TMEM132B: variants seen among roughly 807,000 people sequenced by gnomAD.
TMEM132B encodes transmembrane protein 132B.
A neutral mutation model predicts 90.8 loss-of-function variants in TMEM132B; 18 were observed. The ratio of observed to expected loss-of-function variants is 0.20; its 90% CI spans 0.14 to 0.29. The LOEUF is 0.29. TMEM132B is among the 10% of genes least tolerant of loss of function. TMEM132B has a pLI of 1.00. For synonymous variants in TMEM132B, 504 were observed against 523.3 expected (o/e 0.96, Z 0.50); for missense variants, 1,096 against 1,326.8 (o/e 0.83, Z 2.70).
rs118180539 is a variant in TMEM132B, at chr12:125,343,799, G to A, written c.68-5653G>A. On this transcript the variant is annotated intron_variant, in intron 1 of 8. Transcript: ENST00000682704. ...ACTTGAGAATTGCAGCTCTTTGGTT[G>A]GCAAACATAGCTGCCAGCTTAGTGA... is the stretch of plus-strand genomic sequence containing the variant. Among the ~76,000 whole-genome samples, 788 of 152,222 alleles carry A rather than the reference G, an allele frequency of 5.2e-3. 3 individuals carry two copies. The highest frequency in any genetic ancestry group is 0.018 in the South Asian group (85 of 4,814).
At chr12:125,441,196 A>G (rs1177328353) in intron 3 of TMEM132B, among the ~76,000 whole-genome samples, 3 of 152,216 alleles carry the variant, frequency 2.0e-5, no homozygotes, top group Non-Finnish European at 4.4e-5. Context: ...CTGGCACAGA[A>G]TAAATAACCT....
At chr12:125,226,059 A>C (rs1873674747) in intron 1 of TMEM132B, among the ~76,000 whole-genome samples, 1 of 152,240 alleles carries the variant, frequency 6.6e-6, no homozygotes, top group Non-Finnish European at 1.5e-5. Flanking sequence ...CTTATGCAAA[A>C]AAGAATACCG....
intron 3 of TMEM132B, among the ~76,000 whole-genome samples, chr12:125,424,294 GTTCTGGA>G (rs1328434622): frequency 6.6e-6 from 1 of 152,174 alleles, no homozygotes; most frequent in Non-Finnish European, 1.5e-5. Context: ...GCGTTTTTAA[GTTCTGGA>G]TGCTTTGGTG....
At chr12:125,198,666 G>C (rs966047586) in intron 1 of TMEM132B, among the ~76,000 whole-genome samples, 1 of 152,238 alleles carries the variant, frequency 6.6e-6, no homozygotes, top group Non-Finnish European at 1.5e-5. Context: ...CGTTGCCAGA[G>C]AGGAGCAGAG....
chr12:125,487,787 A>G (rs996393870), intron 3 of TMEM132B, among the ~76,000 whole-genome samples: 4 of 152,114 alleles, frequency 2.6e-5, no homozygotes, highest in Admixed American at 2.0e-4. Flanking sequence ...CACGTCTGCT[A>G]TTTGTCTCTT....
intron 4 of TMEM132B, among the ~76,000 whole-genome samples, chr12:125,560,636 T>A (rs1402735296): frequency 6.6e-6 from 1 of 151,060 alleles, no homozygotes; most frequent in Admixed American, 6.6e-5. Context: ...TCCTGGCTAA[T>A]AAGGTGAAAC....
intron 1 of TMEM132B, among the ~76,000 whole-genome samples, chr12:125,258,495 G>A (rs1273615850): frequency 1.3e-5 from 2 of 152,162 alleles, no homozygotes; most frequent in African/African-American, 4.8e-5. Flanking sequence ...TCTTCATGTG[G>A]TTCTGTGTGT....
chr12:125,285,366 G>A (rs1400277868), intron 1 of TMEM132B, among the ~76,000 whole-genome samples: 4 of 152,220 alleles, frequency 2.6e-5, no homozygotes, highest in Non-Finnish European at 5.9e-5. Context: ...CATAGCTAAA[G>A]GAACTACAGG....
Position 125,408,257 on chromosome 12 carries a change from G to T in TMEM132B, c.960-7274G>T, listed in dbSNP as rs1263047597. 6.6e-6 allele frequency among the ~76,000 whole-genome samples: 1 copy of T among 152,190 alleles called. No individual in the cohort carries two copies. The highest frequency in any genetic ancestry group is 1.5e-5 in the Non-Finnish European group (1 of 68,038). ...CACTGTGAGATGTTACGCTTTACCA[G>T]TTCCGTTGTCAATGGGTGCTAGGGT... is the stretch of plus-strand genomic sequence containing the variant. On this transcript the variant is annotated intron_variant, in intron 2 of 8. Coordinates refer to ENST00000682704, the MANE Select transcript of TMEM132B (RefSeq NM_001366854.1). The surrounding 1 kb of genome is among the most constrained non-coding windows in gnomAD (Gnocchi z 5.9).
At chr12:125,534,300 T>C (rs1381704172) in intron 4 of TMEM132B, among the ~76,000 whole-genome samples, 2 of 152,194 alleles carry the variant, frequency 1.3e-5, no homozygotes, top group African/African-American at 2.4e-5. Flanking sequence ...GAGGACTGCT[T>C]GAGCGCAGGA....
At chr12:125,433,786 T>TAA (rs35597931) in intron 3 of TMEM132B, among the ~76,000 whole-genome samples, 1 of 151,116 alleles carries the variant, frequency 6.6e-6, no homozygotes, top group Non-Finnish European at 1.5e-5. Flanking sequence ...TATGCAGCCA[T>TAA]AAAAAATGAT....
intron 3 of TMEM132B, among the ~76,000 whole-genome samples, chr12:125,470,465 T>C (rs920253804): frequency 6.6e-6 from 1 of 152,222 alleles, no homozygotes. Context: ...ATACAACTTT[T>C]TACTCCACAT....
rs1049113213 is a variant in TMEM132B, at chr12:125,415,896, T to C, written c.1106+219T>C. Among the ~76,000 whole-genome samples the C allele has an allele frequency of 6.6e-6, 1 of 152,188 alleles. No individual in the cohort carries two copies. The highest frequency in any genetic ancestry group is 1.5e-5 in the Non-Finnish European group (1 of 68,036). ...TAAATTTTTATCTTTATTATTACTA[T>C]TGTTATTGTTTGCAGCGAAGAGTTG... On this transcript the variant is annotated intron_variant, in intron 3 of 8. Coordinates refer to ENST00000682704, the MANE Select transcript of TMEM132B (RefSeq NM_001366854.1). The surrounding 1 kb of genome is among the most constrained non-coding windows in gnomAD (Gnocchi z 5.3).
At chr12:125,611,104 C>A (rs1056077391) in intron 5 of TMEM132B, among the ~76,000 whole-genome samples, 1 of 151,902 alleles carries the variant, frequency 6.6e-6, no homozygotes, top group African/African-American at 2.4e-5. Context: ...CTTTGTATTT[C>A]TTTCTCAGTC....
chr12:125,205,701 T>G (rs1211604718), intron 1 of TMEM132B, among the ~76,000 whole-genome samples: 2 of 152,220 alleles, frequency 1.3e-5, no homozygotes, highest in African/African-American at 4.8e-5. Context: ...CAGCCCAACT[T>G]CTGTGGGCTT....
chr12:125,402,620 A>G (rs1273065006), intron 2 of TMEM132B, among the ~76,000 whole-genome samples: 1 of 152,206 alleles, frequency 6.6e-6, no homozygotes, highest in East Asian at 1.9e-4. Context: ...CATTGTATTT[A>G]TAGTTGGCAG....
At chr12:125,338,008 A>G (rs193168201) in intron 1 of TMEM132B, among the ~76,000 whole-genome samples, 7 of 152,322 alleles carry the variant, frequency 4.6e-5, no homozygotes, top group Admixed American at 4.6e-4. Flanking sequence ...TCTCTCTATA[A>G]AAGATGAGGA....
rs1255321298 is a variant in TMEM132B, at chr12:125,209,315, A to G, written c.67+22449A>G. Among the ~76,000 whole-genome samples, 1 of 152,152 alleles carries G rather than the reference A, an allele frequency of 6.6e-6. No individual in the cohort carries two copies. Among genetic ancestry groups the G allele is most frequent in the Non-Finnish European group, 1.5e-5 (1 of 68,004 alleles). ...CTCTAAGTGGGGCAGAGGCTCGCGG[A>G]TGGACCGCCCCAGGGGATGGTGCAG... On this transcript the variant is annotated intron_variant, in intron 1 of 8. Coordinates refer to ENST00000682704, the MANE Select transcript of TMEM132B (RefSeq NM_001366854.1). This position sits in a 1 kb window ranked among gnomAD's most constrained non-coding sequence, Gnocchi z 4.4.
chr12:125,371,025 TGTGGCCAGA>T lies in TMEM132B; in HGVS notation c.959+20684_959+20692del, dbSNP rs376986109. 1.8e-3 allele frequency among the ~76,000 whole-genome samples: 271 copies of T among 152,324 alleles called. 1 individual carries two copies. The highest frequency in any genetic ancestry group is 6.4e-3 in the African/African-American group (266 of 41,570). ...GAAGCTGATGGTGCAGCCTTCAGTC[TGTGGCCAGA>T]GGCCTGAGAGCTCCTGGGAAGTCAC... is the stretch of plus-strand genomic sequence containing the variant. On this transcript the variant is annotated intron_variant, in intron 2 of 8. Coordinates refer to ENST00000682704, the MANE Select transcript of TMEM132B (RefSeq NM_001366854.1).
Sources: gnomAD v4.1 joint callset for allele counts (sites outside exome capture counted in the v4.1 genomes callset) on GRCh38, gnomAD v4.1.1 for gene constraint, Gnocchi (gnomAD v3.1) non-coding constraint, MANE v1.5 for transcripts, NCBI Gene and HGNC (gene_info 2026-07-23, HGNC 2026-07-21) for gene names.